GON4L: variants seen among roughly 807,000 people sequenced by gnomAD.
GON4L encodes GON-4-like protein.
GON4L carries 87 observed loss-of-function variants against 211.8 expected under a neutral mutation model. The ratio of observed to expected loss-of-function variants is 0.41; its 90% CI spans 0.35 to 0.49. The LOEUF (loss-of-function observed/expected upper bound fraction) is 0.49. GON4L is among the 20% of genes least tolerant of loss of function. The pLI, the probability that GON4L is intolerant of heterozygous loss-of-function variation, is 0.15. For synonymous variants in GON4L, 875 were observed against 962.6 expected (o/e 0.91, Z 1.68); for missense variants, 2,155 against 2,659.5 (o/e 0.81, Z 4.17).
intron 8 of GON4L, among the ~76,000 whole-genome samples, 159 bp from the exon 9 acceptor site, chr1:155,814,608 C>T (rs974022576): frequency 1.1e-4 from 17 of 151,634 alleles, no homozygotes; most frequent in African/African-American, 4.1e-4. Flanking sequence ...AAGCCAGGCG[C>T]GGTGGCGTGC....
At chr1:155,812,224 T>A (rs1667856761) in intron 10 of GON4L, among the ~76,000 whole-genome samples, 1 of 152,076 alleles carries the variant, frequency 6.6e-6, no homozygotes, top group Non-Finnish European at 1.5e-5. Flanking sequence ...TATGATGCAA[T>A]GAGAAACACA....
intron 21 of GON4L, among the ~76,000 whole-genome samples, chr1:155,763,884 TC>T (rs1415854543): frequency 6.6e-6 from 1 of 151,938 alleles, no homozygotes; most frequent in Non-Finnish European, 1.5e-5. Flanking sequence ...ATGCCTGTAA[TC>T]CCAGCTACTT....
chr1:155,816,990 CTTGTTT>C (rs1398572749), intron 6 of GON4L, among the ~76,000 whole-genome samples: 3 of 151,854 alleles, frequency 2.0e-5, no homozygotes, highest in Admixed American at 6.6e-5. Flanking sequence ...GAAAGTTTTT[CTTGTTT>C]TTGTTTTTGT....
chr1:155,837,487 G>A (rs1285311567), intron 2 of GON4L, among the ~76,000 whole-genome samples: 1 of 152,000 alleles, frequency 6.6e-6, no homozygotes, highest in African/African-American at 2.4e-5. Flanking sequence ...TACTTCTACT[G>A]GTTCATGTCT....
chr1:155,845,721 A>G, intron 2 of GON4L: 1 of 295,558 alleles, frequency 3.4e-6, no homozygotes, highest in Non-Finnish European at 6.8e-6. Flanking sequence ...TACTGCCGTA[A>G]CTCAGTATTG....
intron 14 of GON4L, among the ~76,000 whole-genome samples, chr1:155,780,073 A>G (rs886743112): frequency 6.6e-6 from 1 of 151,962 alleles, no homozygotes; most frequent in African/African-American, 2.4e-5. Context: ...TGCTGGGATT[A>G]CAGGCGTGAG....
At chr1:155,760,288 C>A (rs1336728510) in intron 24 of GON4L, among the ~76,000 whole-genome samples, 156 bp downstream of exon 24, 1 of 152,014 alleles carries the variant, frequency 6.6e-6, no homozygotes, top group Admixed American at 6.6e-5. Flanking sequence ...AAAGATAATA[C>A]CCTGAAAAGA....
At chr1:155,758,865 T>A (rs1661464712) in intron 24 of GON4L, among the ~76,000 whole-genome samples, 1 of 151,728 alleles carries the variant, frequency 6.6e-6, no homozygotes, top group African/African-American at 2.4e-5. Flanking sequence ...GGTGACAGAG[T>A]CAGACTTTGC....
At chr1:155,790,249 G>A (rs1204968676) in intron 12 of GON4L, among the ~76,000 whole-genome samples, 1 of 152,074 alleles carries the variant, frequency 6.6e-6, no homozygotes, top group Non-Finnish European at 1.5e-5. Context: ...ACAGGCGTGA[G>A]CCACCACACC....
chr1:155,789,075 C>T (rs1275035314), intron 12 of GON4L, among the ~76,000 whole-genome samples: 1 of 145,766 alleles, frequency 6.9e-6, no homozygotes, highest in Non-Finnish European at 1.5e-5. Context: ...CAGAGCGAGA[C>T]TCCGTCTCGG....
intron 11 of GON4L, among the ~76,000 whole-genome samples, chr1:155,804,295 G>C (rs192059883): frequency 1.3e-3 from 193 of 152,130 alleles, no homozygotes; most frequent in African/African-American, 4.2e-3. Context: ...ACGATCTCTT[G>C]AGCCCAGGAG....
Position 155,853,339 on chromosome 1 carries a change from C to G in GON4L, c.442G>C (p.Asp148His), listed in dbSNP as rs1671986763. Residue 148 changes from aspartate (D) to histidine (H), a missense_variant, in exon 2 of 32, where the codon GAT becomes CAT. By Grantham distance (81) the Asp-to-His change is moderately conservative (BLOSUM62 -1). Around this residue, in one of 6 missense-constraint regions of GON4L, gnomAD observed 313 missense variants for 293.2 expected, o/e 1.07. Transcript: ENST00000368331. ...AAAGGCTCCTTTAGGGTAAGATGAT[C>G]ACATCTGTCTTCTTGGGTAACTGGC... ...PGPVTQEDRC[D>H]HLTLKEPFSG... 6 of 1,613,788 alleles carry G rather than the reference C, an allele frequency of 3.7e-6. No homozygotes were observed. The African/African-American group carries it at 5.3e-5, about 14-fold the overall frequency.
At chr1:155,748,721 G>C (rs576819057), downstream of GON4L, 34 of 1,614,178 alleles carry the variant, frequency 2.1e-5, no homozygotes, top group Middle Eastern at 9.9e-4. Context: ...CATGTGGGGA[G>C]CCTTCTGGAA....
chr1:155,845,189 C>T (rs1671117980), intron 2 of GON4L, among the ~76,000 whole-genome samples: 1 of 152,158 alleles, frequency 6.6e-6, no homozygotes, highest in Admixed American at 6.5e-5. Context: ...AAAACAAGAA[C>T]AAAACCCTGA....
Position 155,766,088 on chromosome 1 carries a change from G to A in GON4L, c.3385C>T (p.Pro1129Ser). ...ATAACAGGGGCAGGTTTCATACAGG[G>A]AGAGGCCTTGACTCCTCTTCTCTTT... is the stretch of plus-strand genomic sequence containing the variant. ...PSKRRGVKAS[P>S]CMKPAPVIHH... Residue 1129 changes from proline (P) to serine (S), a missense_variant, in exon 21 of 32, where the codon CCC (proline) becomes TCC (serine). Around this residue, in one of 6 missense-constraint regions of GON4L, gnomAD observed 615 missense variants for 625.7 expected, o/e 0.98. Transcript: ENST00000368331. 7 of 1,614,150 alleles carry A rather than the reference G, an allele frequency of 4.3e-6. No homozygotes were observed. The highest frequency in any genetic ancestry group is 5.1e-6 in the Non-Finnish European group (6 of 1,180,010).
chr1:155,762,115 G>T (rs2101700039), intron 23 of GON4L, 75 bp downstream of exon 23: 1 of 1,209,288 alleles, frequency 8.3e-7, no homozygotes, highest in South Asian at 1.3e-5. Flanking sequence ...CAGACTTTAT[G>T]TTGAAAAACA....
intron 2 of GON4L, among the ~76,000 whole-genome samples, chr1:155,851,584 C>T (rs999661625): frequency 6.6e-6 from 1 of 151,682 alleles, no homozygotes; most frequent in South Asian, 2.1e-4. Flanking sequence ...AGCACGGTGG[C>T]GGGCGCCTGT....
upstream of GON4L, among the ~76,000 whole-genome samples, chr1:155,857,566 C>T (rs1571966044): frequency 6.6e-6 from 1 of 152,094 alleles, no homozygotes; most frequent in East Asian, 1.9e-4. Context: ...CCCGTCTCTA[C>T]TAAATATACA....
At chr1:155,806,479 G>T (rs1337135269) in intron 10 of GON4L, among the ~76,000 whole-genome samples, 1 of 151,886 alleles carries the variant, frequency 6.6e-6, no homozygotes, top group Non-Finnish European at 1.5e-5. Context: ...AGATGGGGGT[G>T]GGGGGACTCC....
Sources: gnomAD v4.1 joint callset for allele counts (sites outside exome capture counted in the v4.1 genomes callset) on GRCh38, gnomAD v4.1.1 for gene constraint, gnomAD v4.1.1 regional missense constraint, MANE v1.5 for transcripts, NCBI Gene and HGNC (gene_info 2026-07-23, HGNC 2026-07-21) for gene names.